The following EPB41L5 variants were observed in gnomAD, a reference collection of about 807,000 sequenced individuals.
EPB41L5 encodes the protein erythrocyte membrane protein band 4.1 like 5.
In EPB41L5, 55 loss-of-function variants were observed where a neutral mutation model predicts 106.6. The observed-to-expected ratio is 0.52, with a 90% CI of 0.42 to 0.65. The LOEUF is 0.65. Ranked by LOEUF, EPB41L5 falls within the 30% of genes least tolerant of loss-of-function variation. The probability of loss-of-function intolerance (pLI) is 0.00; values close to 1 mark genes in which losing one functional copy is unlikely to be tolerated. For synonymous variants in EPB41L5, 297 were observed against 306.7 expected (o/e 0.97, Z 0.33); for missense variants, 871 against 882.1 (o/e 0.99, Z 0.16).
intron 1 of EPB41L5, among the ~76,000 whole-genome samples, chr2:120,014,229 G>T (rs1171651895): frequency 6.6e-6 from 1 of 152,174 alleles, no homozygotes; most frequent in Non-Finnish European, 1.5e-5. Context: ...TAACTTTTGG[G>T]TTTTGGGTAC....
chr2:120,046,673 A>T (rs1679802108), intron 3 of EPB41L5, among the ~76,000 whole-genome samples: 1 of 151,970 alleles, frequency 6.6e-6, no homozygotes, highest in African/African-American at 2.4e-5. Context: ...ATTAGATCTC[A>T]TTTGCCAATT....
At chr2:120,070,693 C>A (rs1681801410) in intron 3 of EPB41L5, among the ~76,000 whole-genome samples, 1 of 152,154 alleles carries the variant, frequency 6.6e-6, no homozygotes. Context: ...ATACGCAAAT[C>A]AATAAACGTA....
At chr2:120,017,544 T>C (rs1677607368) in intron 1 of EPB41L5, among the ~76,000 whole-genome samples, 1 of 152,258 alleles carries the variant, frequency 6.6e-6, no homozygotes, top group Non-Finnish European at 1.5e-5. Flanking sequence ...TTTGATTTTG[T>C]GTTTCCATTT....
At position 120,100,780 on chromosome 2, in the gene EPB41L5, C is replaced by A. The variant is rs1684096861; in HGVS notation, c.1303C>A (p.Gln435Lys). ...PVPVEIENLPQSPGTDQHDRK... is the reference protein window; with the variant it reads ...PVPVEIENLPKSPGTDQHDRK... Reference sequence around the variant, plus strand: ...GCCAGTGGAGATAGAGAATCTTCCACAGAGTCCTGGAACAGACCAGCATGA... The same window carrying A: ...GCCAGTGGAGATAGAGAATCTTCCAAAGAGTCCTGGAACAGACCAGCATGA... The change falls in exon 16 of 25, where the codon CAG becomes AAG. Residue 435 changes from glutamine to lysine, a missense_variant. By Grantham distance (53) the Gln-to-Lys change is moderately conservative. Transcript: ENST00000263713. The A allele has an allele frequency of 6.2e-7, 1 of 1,611,398 alleles. No homozygotes were observed.
chr2:120,100,137 G>T (rs1025871981), intron 14 of EPB41L5, 107 bp from the exon 15 acceptor site: 1 of 788,690 alleles, frequency 1.3e-6, no homozygotes, highest in Non-Finnish European at 2.0e-6. Context: ...GAAACAAAAC[G>T]TTAATATCTT....
At chr2:120,148,623 G>A (rs1257202656) in intron 20 of EPB41L5, among the ~76,000 whole-genome samples, 1 of 152,062 alleles carries the variant, frequency 6.6e-6, no homozygotes, top group African/African-American at 2.4e-5. Context: ...GTCCTTTTGT[G>A]TCTGGCTTCT....
chr2:120,160,868 T>C lies in EPB41L5; in HGVS notation c.1794-13T>C, dbSNP rs1282025795. 6.2e-7 allele frequency: 1 copy of C among 1,600,340 alleles called. No homozygotes were observed. Among genetic ancestry groups the C allele is most frequent in the Admixed American group, 1.7e-5 (1 of 59,982 alleles). ...AGGTCCTACATGATGTGAATTTATC[T>C]TTTTCTTCCTAGTGCTGTGTTAAAT... is the stretch of plus-strand genomic sequence containing the variant. On this transcript the variant is annotated splice_polypyrimidine_tract_variant and intron_variant, in intron 20 of 24. Transcript: ENST00000263713.
At chr2:120,110,774 A>G (rs1476845343) in intron 16 of EPB41L5, among the ~76,000 whole-genome samples, 3 of 151,696 alleles carry the variant, frequency 2.0e-5, no homozygotes, top group Non-Finnish European at 2.9e-5. Flanking sequence ...AGCTGGGACT[A>G]CAGGAGTGCG....
chr2:120,049,652 A>G lies in EPB41L5; in HGVS notation c.285+7542A>G, dbSNP rs191784686. Among the ~76,000 whole-genome samples the G allele has an allele frequency of 7.8e-4, 119 of 152,288 alleles. 1 individual carries two copies. Among genetic ancestry groups the G allele is most frequent in the African/African-American group, 2.8e-3 (116 of 41,554 alleles). On this transcript the variant is annotated intron_variant, in intron 3 of 24. Transcript: ENST00000263713. Reference sequence around the variant, plus strand: ...TCTGTGTCTTTTAATTGGAGCATTTAGCCCATTTACGTTTAAGGTTAATAT... The same window carrying G: ...TCTGTGTCTTTTAATTGGAGCATTTGGCCCATTTACGTTTAAGGTTAATAT...
In EPB41L5 at chr2:120,160,988, T is replaced by C. The variant is rs1444631962; in HGVS notation, c.1887+14T>C. ...TCTGTTCTAAAGGTAAGAATACTTT[T>C]ACTTCTTAAAATTTTTGCCAAAGAC... On this transcript the variant is annotated intron_variant, in intron 21 of 24. Coordinates refer to ENST00000263713, the MANE Select transcript of EPB41L5 (RefSeq NM_020909.4). 1.9e-6 allele frequency: 3 copies of C among 1,605,592 alleles called. No individual in the cohort carries two copies. Among genetic ancestry groups the C allele is most frequent in the Non-Finnish European group, 2.6e-6 (3 of 1,172,582 alleles).
At chr2:120,068,826 TAA>T (rs35432184) in intron 3 of EPB41L5, among the ~76,000 whole-genome samples, 5 of 149,218 alleles carry the variant, frequency 3.4e-5, no homozygotes, top group Non-Finnish European at 7.4e-5. Flanking sequence ...ATTGGAACGT[TAA>T]AAAAAAAAGC....
chr2:120,105,036 T>C (rs1238123323), intron 16 of EPB41L5: 1 of 984,528 alleles, frequency 1.0e-6, no homozygotes, highest in Non-Finnish European at 1.2e-6. Context: ...CTCATACACC[T>C]GACAGATTAC....
chr2:120,043,847 AT>A (rs1679588796), intron 3 of EPB41L5, among the ~76,000 whole-genome samples: 2 of 152,112 alleles, frequency 1.3e-5, no homozygotes, highest in African/African-American at 4.8e-5. Context: ...GAATTTTTCT[AT>A]TTTTTAAAAA....
intron 14 of EPB41L5, among the ~76,000 whole-genome samples, chr2:120,093,752 T>C (rs1291026135): frequency 1.3e-5 from 2 of 152,346 alleles, no homozygotes; most frequent in African/African-American, 2.4e-5. Flanking sequence ...AGTTTTCTTA[T>C]AATGTCATTG....
intron 2 of EPB41L5, among the ~76,000 whole-genome samples, chr2:120,032,937 G>C (rs1327813003): frequency 6.6e-6 from 1 of 152,144 alleles, no homozygotes; most frequent in Admixed American, 6.5e-5. Flanking sequence ...ATAGGTGTCT[G>C]TCTAGGAATT....
chr2:120,100,701 T>C lies in EPB41L5; in HGVS notation c.1224T>C (p.Ala408=). 3 of 1,612,950 alleles carry C rather than the reference T, an allele frequency of 1.9e-6. No individual in the cohort carries two copies. Among genetic ancestry groups the C allele is most frequent in the Non-Finnish European group, 2.5e-6 (3 of 1,179,054 alleles). Residue 408 remains alanine, a splice_region_variant and synonymous_variant, in exon 16 of 25, where the codon GCT becomes GCC. Coordinates refer to ENST00000263713, the MANE Select transcript of EPB41L5 (RefSeq NM_020909.4). ...VSTQSNGSQQ[A]WGMRSALPVS... Reference sequence around the variant, plus strand: ...ATTTTTATAATTTTTGTCCAAAGGCTTGGGGGATGAGATCTGCTCTGCCTG... The same window carrying C: ...ATTTTTATAATTTTTGTCCAAAGGCCTGGGGGATGAGATCTGCTCTGCCTG...
At chr2:120,075,802 G>GT in intron 7 of EPB41L5, 49 bp downstream of exon 7, 1 of 1,431,462 alleles carries the variant, frequency 7.0e-7, no homozygotes, top group South Asian at 1.2e-5. Flanking sequence ...AATCTTTTTT[G>GT]TGTGTGTTTT....
At chr2:120,106,054 T>C in intron 16 of EPB41L5, 1 of 984,996 alleles carries the variant, frequency 1.0e-6, no homozygotes, top group Non-Finnish European at 1.2e-6. Flanking sequence ...AGATTGTAAT[T>C]GAAGAGTAAG....
chr2:120,069,950 ATAAC>A (rs1226783232), intron 3 of EPB41L5, among the ~76,000 whole-genome samples: 3 of 152,210 alleles, frequency 2.0e-5, no homozygotes, highest in Non-Finnish European at 4.4e-5. Context: ...AGCAGAAGAA[ATAAC>A]TAACAACAGA....
Sources: allele counts gnomAD v4.1 joint callset (sites outside exome capture counted in the v4.1 genomes callset), GRCh38; gene constraint gnomAD v4.1.1; transcripts MANE v1.5; gene names NCBI Gene and HGNC (gene_info 2026-07-23, HGNC 2026-07-21).